DONSON: variants seen among roughly 807,000 people sequenced by gnomAD.
The protein encoded by DONSON is protein downstream neighbor of Son.
Under a neutral mutation model 62.1 loss-of-function variants are expected in DONSON, and 43 were observed. The observed-to-expected ratio is 0.69, with a 90% CI of 0.54 to 0.89. The LOEUF (loss-of-function observed/expected upper bound fraction) is 0.89. Ranked by LOEUF, DONSON falls within the 40% of genes least tolerant of loss-of-function variation. The probability of loss-of-function intolerance (pLI) is 0.00; values close to 1 mark genes in which losing one functional copy is unlikely to be tolerated. For missense variants in DONSON, 696 were observed against 697.5 expected, an observed-to-expected ratio of 1.00 and a Z score of 0.03; for synonymous variants, 266 against 264.6, an observed-to-expected ratio of 1.01 and a Z score of -0.05.
At position 33,586,034 on chromosome 21, in the gene DONSON, G is replaced by A; in HGVS notation, c.550C>T (p.Gln184Ter). The change falls in exon 3 of 10, where the codon CAA becomes TAA. Residue 184 changes from glutamine (Q) to a stop codon, truncating the protein, a stop_gained. Coordinates refer to ENST00000303071, the MANE Select transcript of DONSON (RefSeq NM_017613.4). LOFTEE classifies it high-confidence loss of function. Reference protein sequence around the residue: ...ADHLKAQEEAQGLVQHCRATE... With the variant: ...ADHLKAQEEA ...GCCCTACAATGCTGGACAAGACCTT[G>A]AGCTTCTTCCTGTGCTTTCAAATGA... is the stretch of plus-strand genomic sequence containing the variant. 6.2e-7 allele frequency: 1 copy of A among 1,614,194 alleles called. No individual in the cohort carries two copies. Among genetic ancestry groups the A allele is most frequent in the Non-Finnish European group, 8.5e-7 (1 of 1,180,034 alleles).
rs2086559365 is a variant in DONSON at position 33,584,780 on chromosome 21, A to T, written c.607-12T>A. The stretch of plus-strand genomic sequence containing the variant: ...GAGAGTTTGGGATCCTAAAATCCAA[A>T]GGTGACAGTGGGCAGTTTTTGCCCA... On this transcript the variant is annotated splice_polypyrimidine_tract_variant and intron_variant, in intron 3 of 9. Coordinates refer to ENST00000303071, the MANE Select transcript of DONSON (RefSeq NM_017613.4). 2 of 1,488,636 alleles carry T rather than the reference A, an allele frequency of 1.3e-6. No homozygotes were observed. The highest frequency in any genetic ancestry group is 2.8e-5 in the African/African-American group (2 of 71,654). 92.2% of individuals were successfully genotyped at this position (1,488,636 alleles called of 1,614,324 possible). A position where few individuals can be genotyped will look rare whatever the true frequency, so the allele number is the denominator to read the frequency against.
Position 33,578,244 on chromosome 21 carries a change from T to C in DONSON, c.*63A>G, listed in dbSNP as rs933815661. 52 of 1,544,272 alleles carry C rather than the reference T, an allele frequency of 3.4e-5. 1 individual carries two copies. In the African/African-American group the frequency reaches 6.2e-4, roughly 18 times the overall value. ...CAGTATATTCCTTCAACTTCAAGAATCTTGAATTTCCTTGCTAGAAGGCTT... is the reference window on the plus strand; with the variant it reads ...CAGTATATTCCTTCAACTTCAAGAACCTTGAATTTCCTTGCTAGAAGGCTT... On this transcript the variant is annotated 3_prime_UTR_variant, in exon 10 of 10. Transcript: ENST00000303071.
rs760980116 is a variant in DONSON at position 33,581,480 on chromosome 21, A to T, written c.1172T>A (p.Val391Glu). The change falls in exon 8 of 10, where the codon GTA (valine) becomes GAA (glutamate). Residue 391 changes from valine to glutamate, a missense_variant. Physicochemically the swap from Val to Glu is moderately radical, Grantham distance 121. Transcript: ENST00000303071. ...SIKLRKEKHE[V>E]QMDHRPESVV... ...AGATTCAGGTCTGTGATCCATTTGT[A>T]CTTCATGTTTCTCTTTACGCCTGAA... is the stretch of plus-strand genomic sequence containing the variant. The T allele has an allele frequency of 6.2e-7, 1 of 1,613,470 alleles. No individual in the cohort carries two copies. Among genetic ancestry groups the T allele is most frequent in the African/African-American group, 1.3e-5 (1 of 74,906 alleles).
At chr21:33,580,917 CA>C (rs1298017570) in intron 8 of DONSON, among the ~76,000 whole-genome samples, 4 of 149,724 alleles carry the variant, frequency 2.7e-5, no homozygotes, top group African/African-American at 7.4e-5. Context: ...AAAAAAAAAA[CA>C]AAAAAAATAG....
Position 33,588,541 on chromosome 21 carries a change from G to A in DONSON, c.101C>T (p.Ser34Phe), listed in dbSNP as rs2086609499. ...CGGCTCCGTCAGCTCACGGGGCGGG[G>A]AGGCGGCAGCTCCACGGCTCCGGGC... ...KRARSRGAAA[S>F]PPRELTEPAA... The change falls in exon 1 of 10, where the codon TCC becomes TTC. Residue 34 changes from serine (S) to phenylalanine (F), a missense_variant. By Grantham distance (155) the Ser-to-Phe change is radical (BLOSUM62 -2). Transcript: ENST00000303071. 7.2e-6 allele frequency: 9 copies of A among 1,250,872 alleles called. No homozygotes were observed. The highest frequency in any genetic ancestry group is 6.3e-5 in the South Asian group (2 of 31,938). The allele number at this position is 1,250,872 out of a possible 1,614,324, so 77.5% of individuals were successfully genotyped here.
Position 33,586,192 on chromosome 21 carries a change from CAAA to C in DONSON, c.403-14_403-12del. The C allele has an allele frequency of 3.1e-6, 5 of 1,611,196 alleles. No individual in the cohort carries two copies. Among genetic ancestry groups the C allele is most frequent in the Admixed American group, 1.7e-5 (1 of 59,892 alleles). On this transcript the variant is annotated splice_polypyrimidine_tract_variant and intron_variant, in intron 2 of 9. Coordinates refer to ENST00000303071, the MANE Select transcript of DONSON (RefSeq NM_017613.4). ...TGATACATGTGAAGTCTTTAGAAAA[CAAA>C]GAATGCAAAAATTAGTCGAGTATCA...
intron 1 of DONSON, 107 bp downstream of exon 1, chr21:33,588,214 C>T: frequency 1.0e-6 from 1 of 952,942 alleles, no homozygotes; most frequent in Non-Finnish European, 1.4e-6. Flanking sequence ...GAAGTCTTCG[C>T]GCCCATTTCC....
In DONSON at chr21:33,584,288, C is replaced by T. The variant is rs2086553369; in HGVS notation, c.785+302G>A. ...GTCTCAATCTCCTGACCTTGTGATC[C>T]GCCTGCCTCGGCCTCCCAAAGTGCT... On this transcript the variant is annotated intron_variant, in intron 4 of 9. Transcript: ENST00000303071. Among the ~76,000 whole-genome samples the T allele has an allele frequency of 8.6e-5, 13 of 151,442 alleles. No homozygotes were observed. The South Asian group carries it at 2.7e-3, about 32-fold the overall frequency.
chr21:33,587,266 G>C (rs1363469309), intron 2 of DONSON: 2 of 744,246 alleles, frequency 2.7e-6, no homozygotes, highest in Non-Finnish European at 3.3e-6. Context: ...GAGAGTAAAA[G>C]AAAACCCCCA....
rs2086447617 is a variant in DONSON, at chr21:33,577,686, CACA to C, written c.*618_*620del. 2 of 112,260 alleles carry C rather than the reference CACA, an allele frequency of 1.8e-5. 1 individual carries two copies. Among genetic ancestry groups the C allele is most frequent in the African/African-American group, 8.0e-5 (2 of 24,966 alleles). The allele number at this position is 112,260 out of a possible 1,614,324, so 7.0% of individuals were successfully genotyped here. A position where few individuals can be genotyped will look rare whatever the true frequency, so the allele number is the denominator to read the frequency against. On this transcript the variant is annotated 3_prime_UTR_variant, in exon 10 of 10. Transcript: ENST00000303071. The stretch of plus-strand genomic sequence containing the variant: ...ACACACACACACACACACACACACA[CACA>C]CACACACACACACCCCTATAAGCAC...
chr21:33,582,048 C>CT lies in DONSON; in HGVS notation c.1053dup (p.Ala352SerfsTer4). Reference sequence around the variant, plus strand: ...TCCTCTTCATCCTCATCACTGATGGCTTGCTCCCTAGGAAATTGCTACAGT... The same window carrying CT: ...TCCTCTTCATCCTCATCACTGATGGCTTTGCTCCCTAGGAAATTGCTACAGT... On this transcript the variant is annotated frameshift_variant, in exon 7 of 10. Transcript: ENST00000303071. LOFTEE classifies it high-confidence loss of function. The CT allele has an allele frequency of 5.6e-6, 9 of 1,614,118 alleles. No individual in the cohort carries two copies. The highest frequency in any genetic ancestry group is 6.8e-6 in the Non-Finnish European group (8 of 1,179,982).
intron 5 of DONSON, among the ~76,000 whole-genome samples, chr21:33,582,829 C>T (rs1389041707): frequency 2.0e-5 from 3 of 152,062 alleles, no homozygotes; most frequent in Non-Finnish European, 4.4e-5. Context: ...CATCAGTGGT[C>T]GCATTAGATT....
In DONSON at chr21:33,579,359, T is replaced by C. The variant is rs2086478847; in HGVS notation, c.1554A>G (p.Val518=). ...ATAGGTGTCTACTTACCATATCAAG[T>C]ACTTTGTCCATTTGCAGGCAGATGT... The part of the protein sequence containing the change: ...VFNICLQMDK[V]LDMEVVHKEL... Residue 518 remains valine (V), a synonymous_variant, in exon 9 of 10, where the codon GTA becomes GTG. Transcript: ENST00000303071. The C allele has an allele frequency of 6.2e-7, 1 of 1,601,604 alleles. No homozygotes were observed. Among genetic ancestry groups the C allele is most frequent in the Admixed American group, 1.7e-5 (1 of 59,396 alleles).
chr21:33,580,918 A>C (rs910366088), intron 8 of DONSON, among the ~76,000 whole-genome samples: 63 of 151,424 alleles, frequency 4.2e-4, no homozygotes, highest in African/African-American at 1.5e-3. Flanking sequence ...AAAAAAAAAC[A>C]AAAAAAATAG....
chr21:33,588,501 G>A lies in DONSON; in HGVS notation c.141C>T (p.Ala47=). ...GAAGAGGCAGCCCCGCCACCAGGGC[G>A]GCTCGGCGGGCCGCCGGCTCCGTCA... The part of the protein sequence containing the change: ...RELTEPAARR[A]ALVAGLPLRP... The change falls in exon 1 of 10, where the codon GCC becomes GCT. Residue 47 remains alanine, a synonymous_variant. Transcript: ENST00000303071. 8.0e-7 allele frequency: 1 copy of A among 1,254,844 alleles called. No homozygotes were observed. The highest frequency in any genetic ancestry group is 1.0e-6 in the Non-Finnish European group (1 of 1,000,364). 77.7% of individuals were successfully genotyped at this position (1,254,844 alleles called of 1,614,324 possible).
chr21:33,588,487 C>A lies in DONSON; in HGVS notation c.155G>T (p.Gly52Val). The change falls in exon 1 of 10, where the codon GGG (glycine) becomes GTG (valine). Residue 52 changes from glycine (G) to valine (V), a missense_variant. Transcript: ENST00000303071. The part of the protein sequence containing the change: ...PAARRAALVA[G>V]LPLRPFPAAG... ...AGCAGGGAAAGGGCGAAGAGGCAGC[C>A]CCGCCACCAGGGCGGCTCGGCGGGC... 2 of 1,264,374 alleles carry A rather than the reference C, an allele frequency of 1.6e-6. No individual in the cohort carries two copies. The highest frequency in any genetic ancestry group is 9.9e-7 in the Non-Finnish European group (1 of 1,006,038). 78.3% of individuals were successfully genotyped at this position (1,264,374 alleles called of 1,614,324 possible).
Position 33,584,598 on chromosome 21 carries a change from C to G in DONSON, c.777G>C (p.Met259Ile), listed in dbSNP as rs762810588. Residue 259 changes from methionine to isoleucine, a missense_variant, in exon 4 of 10, where the codon ATG becomes ATC. Physicochemically the swap from Met to Ile is conservative, Grantham distance 10. Coordinates refer to ENST00000303071, the MANE Select transcript of DONSON (RefSeq NM_017613.4). The stretch of plus-strand genomic sequence containing the variant: ...TCTCTTACTAATCTTACCAGTCACT[C>G]ATTAAAACATGCTGCAGGGTTGCAT... ...SNDATLQHVL[M>I]SDWSVSFTSL... 6.2e-7 allele frequency: 1 copy of G among 1,601,512 alleles called. No individual in the cohort carries two copies. The highest frequency in any genetic ancestry group is 1.3e-5 in the African/African-American group (1 of 74,434).
At chr21:33,579,737 T>C (rs760279952) in intron 8 of DONSON, 175 bp from the exon 9 acceptor site, 2 of 528,258 alleles carry the variant, frequency 3.8e-6, no homozygotes, top group Non-Finnish European at 6.7e-6. Context: ...CTTAGTAAAT[T>C]TTCAGCAACC....
rs1255382137 is a variant in DONSON at position 33,577,607 on chromosome 21, A to C, written c.*700T>G. On this transcript the variant is annotated 3_prime_UTR_variant, in exon 10 of 10. Coordinates refer to ENST00000303071, the MANE Select transcript of DONSON (RefSeq NM_017613.4). ...TGTGAATTATACAGTCCCCCCCTAC[A>C]CACACACACACACACACACACACAC... The C allele has an allele frequency of 6.0e-4, 1 of 1,654 alleles. No individual in the cohort carries two copies. Among genetic ancestry groups the C allele is most frequent in the African/African-American group, 1.9e-3 (1 of 528 alleles). 0.1% of individuals were successfully genotyped at this position (1,654 alleles called of 1,614,324 possible).
Sources: allele counts gnomAD v4.1 joint callset (sites outside exome capture counted in the v4.1 genomes callset), GRCh38; gene constraint gnomAD v4.1.1; transcripts MANE v1.5; gene names NCBI Gene and HGNC (gene_info 2026-07-23, HGNC 2026-07-21).